The following S1PR5 variants were observed in gnomAD, a reference collection of about 807,000 sequenced individuals.
The protein encoded by S1PR5 is sphingosine 1-phosphate receptor 5.
For synonymous variants in S1PR5, 307 were observed against 284.7 expected (o/e 1.08, Z -0.79); for missense variants, 583 against 571.7 (o/e 1.02, Z -0.20).
rs146786075 is a variant in S1PR5 at position 10,514,110 on chromosome 19, A to G, written c.902T>C (p.Leu301Pro). 6.2e-7 allele frequency: 1 copy of G among 1,612,780 alleles called. No individual in the cohort carries two copies. The highest frequency in any genetic ancestry group is 1.3e-5 in the African/African-American group (1 of 74,992). Reference protein sequence around the residue: ...FLGLAMANSLLNPIIYTLTNR... With the variant: ...FLGLAMANSLPNPIIYTLTNR... ...GGTGAGCGTGTAGATGATGGGGTTC[A>G]GAAGTGAGTTGGCCATGGCCAGTCC... Residue 301 changes from leucine to proline, a missense_variant, in exon 2 of 2, where the codon CTG becomes CCG. By Grantham distance (98) the Leu-to-Pro change is moderately conservative. Coordinates refer to ENST00000333430, the MANE Select transcript of S1PR5 (RefSeq NM_030760.5).
Position 10,513,607 on chromosome 19 carries a change from G to T in S1PR5, c.*208C>A, listed in dbSNP as rs1211174306. Reference sequence around the variant, plus strand: ...GAATCATCTCCATTATTTCATCACCGAGTTCTTTTCTGTGTTCCCAAGCAG... The same window carrying T: ...GAATCATCTCCATTATTTCATCACCTAGTTCTTTTCTGTGTTCCCAAGCAG... On this transcript the variant is annotated 3_prime_UTR_variant, in exon 2 of 2. Coordinates refer to ENST00000333430, the MANE Select transcript of S1PR5 (RefSeq NM_030760.5). The T allele has an allele frequency of 1.1e-5, 7 of 649,132 alleles. No individual in the cohort carries two copies. The highest frequency in any genetic ancestry group is 5.9e-5 in the East Asian group (2 of 33,798). 40.2% of individuals were successfully genotyped at this position (649,132 alleles called of 1,614,324 possible).
At position 10,513,620 on chromosome 19, in the gene S1PR5, TG is replaced by T; in HGVS notation, c.*194del. The T allele has an allele frequency of 1.4e-6, 1 of 698,820 alleles. No homozygotes were observed. Among genetic ancestry groups the T allele is most frequent in the Non-Finnish European group, 2.3e-6 (1 of 433,342 alleles). The allele number at this position is 698,820 out of a possible 1,614,324, so 43.3% of individuals were successfully genotyped here. Reference sequence around the variant, plus strand: ...TATTTCATCACCGAGTTCTTTTCTGTGTTCCCAAGCAGAACGTCAATTCCAC... The same window carrying T: ...TATTTCATCACCGAGTTCTTTTCTGTTTCCCAAGCAGAACGTCAATTCCAC... On this transcript the variant is annotated 3_prime_UTR_variant, in exon 2 of 2. Transcript: ENST00000333430.
At position 10,514,767 on chromosome 19, in the gene S1PR5, T is replaced by TC; in HGVS notation, c.244dup (p.Asp82GlyfsTer262). ...GGCGTAGGCGGCGCCTGCCAGCAGA[T>TC]CCGACAACGTGAGGCTGCCCAGGAG... On this transcript the variant is annotated frameshift_variant, in exon 2 of 2. Coordinates refer to ENST00000333430, the MANE Select transcript of S1PR5 (RefSeq NM_030760.5). LOFTEE classifies it low-confidence loss of function (END_TRUNC). 6.2e-7 allele frequency: 1 copy of TC among 1,612,938 alleles called. No homozygotes were observed. Among genetic ancestry groups the TC allele is most frequent in the Non-Finnish European group, 8.5e-7 (1 of 1,179,732 alleles).
In S1PR5 at chr19:10,513,394, CA is replaced by C; in HGVS notation, c.*420del. 4.6e-6 allele frequency: 2 copies of C among 436,886 alleles called. No individual in the cohort carries two copies. The highest frequency in any genetic ancestry group is 8.0e-6 in the Non-Finnish European group (2 of 250,360). The allele number at this position is 436,886 out of a possible 1,614,324, so 27.1% of individuals were successfully genotyped here. On this transcript the variant is annotated 3_prime_UTR_variant, in exon 2 of 2. Coordinates refer to ENST00000333430, the MANE Select transcript of S1PR5 (RefSeq NM_030760.5). Reference sequence around the variant, plus strand: ...TCCGTCCCTGCTCCAGGCACACCAGCATCGCTGCATTTCTTAGAACACATGG... The same window carrying C: ...TCCGTCCCTGCTCCAGGCACACCAGCTCGCTGCATTTCTTAGAACACATGG...
upstream of S1PR5, chr19:10,517,463 CGGGGGCGGGGCTGGAGCTGGCAGGCGA>C: frequency 4.1e-6 from 4 of 985,590 alleles, no homozygotes; most frequent in Non-Finnish European, 4.8e-6. Context: ...GACGCCGCTC[CGGGGGCGGGGCTGGAGCTGGCAGGCGA>C]GGGGGCGGGC....
In S1PR5 at chr19:10,513,682, T is replaced by C; in HGVS notation, c.*133A>G. 1 of 1,266,882 alleles carries C rather than the reference T, an allele frequency of 7.9e-7. No individual in the cohort carries two copies. Among genetic ancestry groups the C allele is most frequent in the Non-Finnish European group, 1.1e-6 (1 of 920,704 alleles). 78.5% of individuals were successfully genotyped at this position (1,266,882 alleles called of 1,614,324 possible). A position where few individuals can be genotyped will look rare whatever the true frequency, so the allele number is the denominator to read the frequency against. ...ATTTTTTGTCTGTTTGTTCACATTG[T>C]GGGGTGTCGCTGCATAAATACATTT... On this transcript the variant is annotated 3_prime_UTR_variant, in exon 2 of 2. Transcript: ENST00000333430.
intron 1 of S1PR5, among the ~76,000 whole-genome samples, chr19:10,515,618 A>AC (rs201132438): frequency 0.03 from 4,417 of 148,174 alleles, 78 homozygotes; most frequent in Admixed American, 0.047. Context: ...GTCTCAAAAC[A>AC]CCCCCCCTCC....
chr19:10,517,438 T>G lies in S1PR5; in HGVS notation c.-59A>C. 1 of 985,574 alleles carries G rather than the reference T, an allele frequency of 1.0e-6. No homozygotes were observed. Among genetic ancestry groups the G allele is most frequent in the Non-Finnish European group, 1.2e-6 (1 of 830,086 alleles). The allele number at this position is 985,574 out of a possible 1,614,324, so 61.1% of individuals were successfully genotyped here. ...TGCGCCACCCGCAGTCGCGCTGCCT[T>G]GAACCGAGTGAGCGGACGCCGCTCC... On this transcript the variant is annotated 5_prime_UTR_variant, in exon 1 of 2. Coordinates refer to ENST00000333430, the MANE Select transcript of S1PR5 (RefSeq NM_030760.5).
chr19:10,516,343 C>G (rs1452615551), intron 1 of S1PR5, among the ~76,000 whole-genome samples: 1 of 152,056 alleles, frequency 6.6e-6, no homozygotes, highest in Non-Finnish European at 1.5e-5. Flanking sequence ...CAGTGGCTTT[C>G]GCCTGTAATC....
intron 1 of S1PR5, among the ~76,000 whole-genome samples, chr19:10,516,307 T>C (rs1915436410): frequency 6.6e-6 from 1 of 151,920 alleles, no homozygotes; most frequent in Non-Finnish European, 1.5e-5. Context: ...CAAAACCCCA[T>C]GAGAAAGTTG....
rs929676297 is a variant in S1PR5, at chr19:10,515,048, A to G, written c.-18-19T>C. The G allele has an allele frequency of 1.6e-5, 24 of 1,517,608 alleles. No homozygotes were observed. Among genetic ancestry groups the G allele is most frequent in the Admixed American group, 2.0e-5 (1 of 48,936 alleles). The allele number at this position is 1,517,608 out of a possible 1,614,324, so 94.0% of individuals were successfully genotyped here. A position where few individuals can be genotyped will look rare whatever the true frequency, so the allele number is the denominator to read the frequency against. ...CCCAAGGCTGTTGGAGAGGCAAGAT[A>G]CGGTGTCAGGCCGCGGTCCCCGTAA... On this transcript the variant is annotated intron_variant, in intron 1 of 1. Transcript: ENST00000333430.
Position 10,515,017 on chromosome 19 carries a change from G to A in S1PR5, c.-6C>T. 1.9e-6 allele frequency: 3 copies of A among 1,545,882 alleles called. No homozygotes were observed. Among genetic ancestry groups the A allele is most frequent in the South Asian group, 1.2e-5 (1 of 81,308 alleles). On this transcript the variant is annotated 5_prime_UTR_variant, in exon 2 of 2. Transcript: ENST00000333430. ...CGCAGCAGCCCCGACTCCATGGGCC[G>A]CGCGCCCCAAGGCTGTTGGAGAGGC...
chr19:10,515,600 G>T (rs556959712), intron 1 of S1PR5, among the ~76,000 whole-genome samples: 12 of 151,938 alleles, frequency 7.9e-5, no homozygotes, highest in South Asian at 2.1e-4. Flanking sequence ...GTGGCAGAGC[G>T]AGACTCTGTC....
rs1299760541 is a variant in S1PR5, at chr19:10,514,878, G to C, written c.134C>G (p.Ala45Gly). ...CTCTAGCACGATGAAGGCGCACACC[G>C]CCAGGCACACCACGGCGTCGGCGCG... The part of the protein sequence containing the change: ...GLRADAVVCL[A>G]VCAFIVLENL... Residue 45 changes from alanine to glycine, a missense_variant, in exon 2 of 2, where the codon GCG becomes GGG. Coordinates refer to ENST00000333430, the MANE Select transcript of S1PR5 (RefSeq NM_030760.5). The C allele has an allele frequency of 6.2e-7, 1 of 1,612,280 alleles. No homozygotes were observed. Among genetic ancestry groups the C allele is most frequent in the South Asian group, 1.1e-5 (1 of 91,026 alleles).
At chr19:10,517,642 G>T, upstream of S1PR5, 1 of 985,428 alleles carries the variant, frequency 1.0e-6, no homozygotes. Flanking sequence ...CGAGCCCTCA[G>T]CTGCCCCCTC....
chr19:10,517,620 G>A, upstream of S1PR5: 1 of 985,380 alleles, frequency 1.0e-6, no homozygotes, highest in Non-Finnish European at 1.2e-6. Context: ...CCCCGGCGGC[G>A]ACTGGCACAG....
rs1037285435 is a variant in S1PR5 at position 10,513,372 on chromosome 19, G to C, written c.*443C>G. ...TTGTCTCCTCCCATTCTCCCCCTCC[G>C]TCCCTGCTCCAGGCACACCAGCATC... is the stretch of plus-strand genomic sequence containing the variant. On this transcript the variant is annotated 3_prime_UTR_variant, in exon 2 of 2. Transcript: ENST00000333430. 16 of 409,568 alleles carry C rather than the reference G, an allele frequency of 3.9e-5. No individual in the cohort carries two copies. The highest frequency in any genetic ancestry group is 6.8e-5 in the Non-Finnish European group (16 of 233,742). 25.4% of individuals were successfully genotyped at this position (409,568 alleles called of 1,614,324 possible). A position where few individuals can be genotyped will look rare whatever the true frequency, so the allele number is the denominator to read the frequency against.
rs777302150 is a variant in S1PR5, at chr19:10,513,865, C to A, written c.1147G>T (p.Gly383Cys). ...AGAGTCCGGGCGGCTGTGGGTGCAC[C>A]GGGGCTGCCTGTGGAGCCGCTGGTG... The part of the protein sequence containing the change: ...LDTSGSTGSP[G>C]APTAARTLVS... The change falls in exon 2 of 2, where the codon GGT (glycine) becomes TGT (cysteine). Residue 383 changes from glycine to cysteine, a missense_variant. Transcript: ENST00000333430. The A allele has an allele frequency of 6.2e-7, 1 of 1,611,486 alleles. No individual in the cohort carries two copies. The highest frequency in any genetic ancestry group is 8.5e-7 in the Non-Finnish European group (1 of 1,179,682).
rs967740219 is a variant in S1PR5, at chr19:10,517,372, C to G, written c.-19+26G>C. On this transcript the variant is annotated intron_variant, in intron 1 of 1. Coordinates refer to ENST00000333430, the MANE Select transcript of S1PR5 (RefSeq NM_030760.5). Reference sequence around the variant, plus strand: ...CCGGGTCAGGCCCAGCCCAGCGCCCCCAAAGGTCCAGTGCAGTCCACTCAC... The same window carrying G: ...CCGGGTCAGGCCCAGCCCAGCGCCCGCAAAGGTCCAGTGCAGTCCACTCAC... 5 of 985,484 alleles carry G rather than the reference C, an allele frequency of 5.1e-6. No homozygotes were observed. The African/African-American group carries it at 8.7e-5, about 17-fold the overall frequency. The allele number at this position is 985,484 out of a possible 1,614,324, so 61.0% of individuals were successfully genotyped here.
Sources: gnomAD v4.1 joint callset for allele counts (sites outside exome capture counted in the v4.1 genomes callset) on GRCh38, gnomAD v4.1.1 for gene constraint, MANE v1.5 for transcripts, NCBI Gene and HGNC (gene_info 2026-07-23, HGNC 2026-07-21) for gene names.